MAPT: variants seen among roughly 807,000 people sequenced by gnomAD.
The protein encoded by MAPT is microtubule-associated protein tau.
A neutral mutation model predicts 67.9 loss-of-function variants in MAPT; 34 were observed. The observed-to-expected ratio is 0.50, with a 90% confidence interval of 0.38 to 0.67. MAPT has a LOEUF of 0.67. Ranked by LOEUF, MAPT falls within the 30% of genes least tolerant of loss-of-function variation. The pLI, the probability that MAPT is intolerant of heterozygous loss-of-function variation, is 0.00. For synonymous variants in MAPT, 456 were observed against 464.5 expected, an observed-to-expected ratio of 0.98 and a Z score of 0.23; for missense variants, 881 against 1,115.2, an observed-to-expected ratio of 0.79 and a Z score of 2.99.
At chr17:45,953,852 G>A (rs776516402) in intron 1 of MAPT, among the ~76,000 whole-genome samples, 14 of 152,258 alleles carry the variant, frequency 9.2e-5, no homozygotes, top group Admixed American at 2.0e-4. Flanking sequence ...CTGAGTCCTG[G>A]GAATGACCTT....
At chr17:45,987,285 C>A (rs1021507586) in intron 6 of MAPT, among the ~76,000 whole-genome samples, 190 bp downstream of exon 6, 1 of 152,200 alleles carries the variant, frequency 6.6e-6, no homozygotes, top group Non-Finnish European at 1.5e-5. Context: ...ATACTTACCC[C>A]AGGGAAGAGC....
intron 1 of MAPT, among the ~76,000 whole-genome samples, chr17:45,953,323 A>C (rs2069276371): frequency 6.6e-6 from 1 of 152,220 alleles, no homozygotes; most frequent in African/African-American, 2.4e-5. Context: ...ATGCTCCTGA[A>C]AATGGGCTTG....
chr17:45,987,036 T>A lies in MAPT; in HGVS notation c.1352-4T>A, dbSNP rs529402028. ...ACAAGCATTCTTATTTTATATTTTATCAGCTCGCATGGTCAGTAAAAGCAA... is the reference window on the plus strand; with the variant it reads ...ACAAGCATTCTTATTTTATATTTTAACAGCTCGCATGGTCAGTAAAAGCAA... On this transcript the variant is annotated splice_polypyrimidine_tract_variant and splice_region_variant and intron_variant, in intron 5 of 12. Transcript: ENST00000262410. 6.2e-7 allele frequency: 1 copy of A among 1,613,634 alleles called. No homozygotes were observed. Among genetic ancestry groups the A allele is most frequent in the East Asian group, 2.2e-5 (1 of 44,882 alleles).
rs1347297034 is a variant in MAPT at position 45,941,645 on chromosome 17, T to TC, written c.-17-20670dup. The stretch of plus-strand genomic sequence containing the variant: ...TTCCCTCCTTCCCTCTTTCCCTCCT[T>TC]CCCCCCTTCCACCCTTCCCCCCTTC... On this transcript the variant is annotated intron_variant, in intron 1 of 12. Coordinates refer to ENST00000262410, the MANE Select transcript of MAPT (RefSeq NM_001377265.1). Among the ~76,000 whole-genome samples, 51 of 99,818 alleles carry TC rather than the reference T, an allele frequency of 5.1e-4. 5 individuals carry two copies. The highest frequency in any genetic ancestry group is 1.2e-3 in the Admixed American group (11 of 8,972). 65.5% of individuals were successfully genotyped at this position (99,818 alleles called of 152,430 possible).
Position 45,983,731 on chromosome 17 carries a change from C to G in MAPT, c.1152C>G (p.Pro384=), listed in dbSNP as rs777644544. Residue 384 remains proline, a synonymous_variant, in exon 5 of 13, where the codon CCC becomes CCG. Coordinates refer to ENST00000262410, the MANE Select transcript of MAPT (RefSeq NM_001377265.1). The part of the protein sequence containing the change: ...LEFTFHVEIT[P]NVQKEQAHSE... ...TCACGTTTCACGTGGAAATCACACC[C>G]AACGTGCAGAAGGAGCAGGCGCACT... is the stretch of plus-strand genomic sequence containing the variant. The G allele has an allele frequency of 2.7e-5, 43 of 1,614,066 alleles. No homozygotes were observed. Among genetic ancestry groups the G allele is most frequent in the Non-Finnish European group, 2.5e-6 (3 of 1,180,044 alleles).
intron 4 of MAPT, among the ~76,000 whole-genome samples, chr17:45,981,531 C>G (rs1038602011): frequency 6.6e-6 from 1 of 152,180 alleles, no homozygotes; most frequent in African/African-American, 2.4e-5. Context: ...CCACGGGGGC[C>G]TACCTCACCT....
chr17:45,898,661 G>A (rs896887391), intron 1 of MAPT: 27 of 152,110 alleles, frequency 1.8e-4, no homozygotes, highest in African/African-American at 6.3e-4. Context: ...TTTCCAATTG[G>A]ACATGTGATA....
Position 46,011,283 on chromosome 17 carries a change from CTACT to C in MAPT, c.2091+883_2091+886del, listed in dbSNP as rs528357316. Among the ~76,000 whole-genome samples, 685 of 152,252 alleles carry C rather than the reference CTACT, an allele frequency of 4.5e-3. 2 individuals carry two copies. Among genetic ancestry groups the C allele is most frequent in the Non-Finnish European group, 7.2e-3 (489 of 68,012 alleles). ...TGGTGGCACGCACCTGTAGTCCCAG[CTACT>C]TGGGAGGCTGAGGTGGGAGGATTGC... On this transcript the variant is annotated intron_variant, in intron 10 of 12. Coordinates refer to ENST00000262410, the MANE Select transcript of MAPT (RefSeq NM_001377265.1).
chr17:45,968,505 G>T (rs2071318800), intron 2 of MAPT, among the ~76,000 whole-genome samples: 1 of 152,178 alleles, frequency 6.6e-6, no homozygotes, highest in Non-Finnish European at 1.5e-5. Flanking sequence ...ATGGACACCA[G>T]GTGGACCCTC....
intron 1 of MAPT, among the ~76,000 whole-genome samples, chr17:45,960,789 A>C (rs2070309967): frequency 6.8e-6 from 1 of 147,076 alleles, no homozygotes. Context: ...CCCCGTCCCC[A>C]CTCCCCCAAA....
At chr17:46,001,677 T>A (rs780514380) in intron 9 of MAPT, among the ~76,000 whole-genome samples, 21 of 151,912 alleles carry the variant, frequency 1.4e-4, no homozygotes, top group Non-Finnish European at 2.9e-4. Flanking sequence ...AAAAAAAAAA[T>A]GCTGGTTCCT....
chr17:45,993,584 T>G lies in MAPT; in HGVS notation c.1732+1998T>G, dbSNP rs151239196. Among the ~76,000 whole-genome samples the G allele has an allele frequency of 4.5e-3, 678 of 152,338 alleles. 7 individuals are homozygous for G. Among genetic ancestry groups the G allele is most frequent in the African/African-American group, 0.015 (642 of 41,574 alleles). The stretch of plus-strand genomic sequence containing the variant: ...ACAGGCCACCACGCCCTGCTAATTT[T>G]TGTATTTTTAGTAAAGACAGGGTTT... On this transcript the variant is annotated intron_variant, in intron 8 of 12. Coordinates refer to ENST00000262410, the MANE Select transcript of MAPT (RefSeq NM_001377265.1).
intron 1 of MAPT, among the ~76,000 whole-genome samples, chr17:45,945,990 T>C (rs573160248): frequency 6.6e-6 from 1 of 152,310 alleles, no homozygotes; most frequent in East Asian, 1.9e-4. Context: ...TGCTTTTCTC[T>C]TTTATAATTT....
chr17:45,996,451 A>G lies in MAPT; in HGVS notation c.1785A>G (p.Pro595=), dbSNP rs768396906. The G allele has an allele frequency of 3.7e-6, 6 of 1,612,692 alleles. No homozygotes were observed. ...GCGGCTACAGCAGCCCCGGCTCCCCAGGCACTCCCGGCAGCCGCTCCCGCA... is the reference window on the plus strand; with the variant it reads ...GCGGCTACAGCAGCCCCGGCTCCCCGGGCACTCCCGGCAGCCGCTCCCGCA... ...DRSGYSSPGS[P]GTPGSRSRTP... Residue 595 remains proline (P), a synonymous_variant, in exon 9 of 13, where the codon CCA becomes CCG. Transcript: ENST00000262410. This position sits in a 1 kb window ranked among gnomAD's most constrained non-coding sequence, Gnocchi z 4.5.
chr17:45,901,560 A>T (rs1231171521), intron 1 of MAPT, among the ~76,000 whole-genome samples: 1 of 152,244 alleles, frequency 6.6e-6, no homozygotes, highest in Non-Finnish European at 1.5e-5. Flanking sequence ...TCCAATAAGT[A>T]TAGTCATTTA....
At chr17:46,012,124 C>G (rs753792687) in intron 10 of MAPT, among the ~76,000 whole-genome samples, 2 of 152,174 alleles carry the variant, frequency 1.3e-5, no homozygotes, top group Non-Finnish European at 2.9e-5. Context: ...GTGAGCTCGG[C>G]CAGAGGAGGA....
intron 1 of MAPT, among the ~76,000 whole-genome samples, chr17:45,961,934 C>G (rs2070469457): frequency 6.6e-6 from 1 of 152,096 alleles, no homozygotes; most frequent in Non-Finnish European, 1.5e-5. Flanking sequence ...TGCCACATGC[C>G]TGGCTAATTA....
At chr17:45,950,970 TTTCAC>T (rs1191118342) in intron 1 of MAPT, among the ~76,000 whole-genome samples, 26 of 152,184 alleles carry the variant, frequency 1.7e-4, no homozygotes, top group African/African-American at 5.5e-4. Context: ...GCTCCACACT[TTTCAC>T]TTATTAAAAG....
At chr17:45,984,319 C>T (rs2073322582) in intron 5 of MAPT, among the ~76,000 whole-genome samples, 1 of 152,318 alleles carries the variant, frequency 6.6e-6, no homozygotes, top group East Asian at 1.9e-4. Flanking sequence ...CCCATGTAGG[C>T]ATAAGCAGCC....
Sources: allele counts gnomAD v4.1 joint callset (sites outside exome capture counted in the v4.1 genomes callset), GRCh38; gene constraint gnomAD v4.1.1; non-coding constraint Gnocchi (gnomAD v3.1); transcripts MANE v1.5; gene names NCBI Gene and HGNC (gene_info 2026-07-23, HGNC 2026-07-21).